Variants in NRG1 observed in about 807,000 individuals in gnomAD.
NRG1 encodes neuregulin 1.
NRG1 carries 18 observed loss-of-function variants against 63.8 expected under a neutral mutation model. The observed-to-expected ratio is 0.28, with a 90% CI of 0.19 to 0.42. The LOEUF (loss-of-function observed/expected upper bound fraction) is 0.42, where lower values mean the gene tolerates loss of function less well. Among genes scored for constraint, NRG1 ranks in the 10% least tolerant of loss-of-function variants. The pLI, the probability that NRG1 is intolerant of heterozygous loss-of-function variation, is 1.00. For synonymous variants in NRG1, 302 were observed against 301.3 expected (o/e 1.00, Z -0.02); for missense variants, 762 against 814.7 (o/e 0.94, Z 0.79).
intron 6 of NRG1, among the ~76,000 whole-genome samples, chr8:32,731,520 A>C (rs2129019972): frequency 6.6e-6 from 1 of 152,216 alleles, no homozygotes; most frequent in Middle Eastern, 3.4e-3. Context: ...CCCTCCTTTG[A>C]GATGGTGACT....
chr8:31,660,814 T>G (rs757290394), intron 1 of NRG1, among the ~76,000 whole-genome samples: 12 of 152,248 alleles, frequency 7.9e-5, no homozygotes, highest in Admixed American at 5.9e-4. Context: ...GAGATAAGGC[T>G]TTCCTATATA....
intron 1 of NRG1, among the ~76,000 whole-genome samples, chr8:32,305,615 C>G (rs1438996349): frequency 6.6e-6 from 1 of 152,206 alleles, no homozygotes; most frequent in Non-Finnish European, 1.5e-5. Flanking sequence ...TTTGTCTCTT[C>G]ACCAGCCTTG....
At chr8:32,177,904 A>C (rs1840977613) in intron 1 of NRG1, among the ~76,000 whole-genome samples, 1 of 152,108 alleles carries the variant, frequency 6.6e-6, no homozygotes, top group Non-Finnish European at 1.5e-5. Flanking sequence ...AGGAAGCAAC[A>C]CTTGCAAAAG....
intron 1 of NRG1, among the ~76,000 whole-genome samples, chr8:31,977,112 C>T (rs575327015): frequency 7.2e-5 from 11 of 152,256 alleles, no homozygotes; most frequent in African/African-American, 1.9e-4. Context: ...GTAATTTCCT[C>T]GTTGTCATTC....
At chr8:32,222,126 CA>C (rs571991516) in intron 1 of NRG1, among the ~76,000 whole-genome samples, 153 of 152,042 alleles carry the variant, frequency 1.0e-3, no homozygotes, top group Non-Finnish European at 1.8e-3. Flanking sequence ...TACATGTTTT[CA>C]GTAGCATATA....
intron 1 of NRG1, among the ~76,000 whole-genome samples, chr8:32,247,509 A>C (rs1453914436): frequency 6.6e-6 from 1 of 152,134 alleles, no homozygotes; most frequent in African/African-American, 2.4e-5. Context: ...TGTGATTTTC[A>C]AAGGCCCTCT....
Position 32,107,671 on chromosome 8 carries a change from A to G in NRG1, c.37+468240A>G, listed in dbSNP as rs75050656. On this transcript the variant is annotated intron_variant, in intron 1 of 10. Transcript: ENST00000519301. ...TATGTTAAAAAATTCACAAAGTAAC[A>G]TACTGAAATTCTTGCAGGTAACTGG... Among the ~76,000 whole-genome samples the G allele has an allele frequency of 2.6e-3, 392 of 152,290 alleles. 2 individuals are homozygous for G. Among genetic ancestry groups the G allele is most frequent in the African/African-American group, 9.0e-3 (375 of 41,558 alleles).
chr8:31,706,224 T>A (rs921331876), intron 1 of NRG1, among the ~76,000 whole-genome samples: 2 of 152,090 alleles, frequency 1.3e-5, no homozygotes, highest in South Asian at 4.1e-4. Context: ...TATGTGTCCT[T>A]CCAGAGTTTT....
intron 1 of NRG1, among the ~76,000 whole-genome samples, chr8:32,521,085 T>C (rs1439376026): frequency 2.0e-5 from 3 of 152,234 alleles, no homozygotes; most frequent in Admixed American, 2.0e-4. Flanking sequence ...GACTAATTTA[T>C]AAACTAAACT....
chr8:32,222,155 T>C (rs1976122), intron 1 of NRG1, among the ~76,000 whole-genome samples: 1 of 151,976 alleles, frequency 6.6e-6, no homozygotes, highest in African/African-American at 2.4e-5. Context: ...GGGTCTCCAA[T>C]AAGATTTTTC....
At chr8:32,155,417 C>T (rs980628762) in intron 1 of NRG1, among the ~76,000 whole-genome samples, 1 of 151,892 alleles carries the variant, frequency 6.6e-6, no homozygotes, top group African/African-American at 2.4e-5. Context: ...ATTTTTTTTC[C>T]AAGATGAAAG....
intron 1 of NRG1, among the ~76,000 whole-genome samples, chr8:31,976,646 G>T (rs1330369211): frequency 6.6e-6 from 1 of 151,890 alleles, no homozygotes; most frequent in Non-Finnish European, 1.5e-5. Context: ...GGGTCAATGG[G>T]TGAGGATCTG....
intron 1 of NRG1, among the ~76,000 whole-genome samples, chr8:32,145,021 G>A (rs1040997336): frequency 2.0e-5 from 3 of 152,138 alleles, no homozygotes; most frequent in Non-Finnish European, 4.4e-5. Flanking sequence ...CAAAGCTGCT[G>A]AGATCTTATA....
intron 1 of NRG1, among the ~76,000 whole-genome samples, chr8:32,234,515 T>C (rs569968610): frequency 6.6e-5 from 10 of 152,336 alleles, no homozygotes; most frequent in African/African-American, 2.4e-4. Flanking sequence ...CTTTAGATAA[T>C]GGTAGACTTA....
At chr8:31,766,282 T>C (rs552481579) in intron 1 of NRG1, among the ~76,000 whole-genome samples, 1 of 152,218 alleles carries the variant, frequency 6.6e-6, no homozygotes, top group African/African-American at 2.4e-5. Context: ...TTAAAAAAGA[T>C]CCCCTGAGTT....
At chr8:32,756,001 G>T (rs532651687) in intron 8 of NRG1, among the ~76,000 whole-genome samples, 10 of 152,132 alleles carry the variant, frequency 6.6e-5, no homozygotes, top group Admixed American at 3.9e-4. Flanking sequence ...CTTTGCCTCC[G>T]AAAGTGCTAA....
At chr8:32,516,494 T>C (rs1296382058) in intron 1 of NRG1, among the ~76,000 whole-genome samples, 1 of 152,240 alleles carries the variant, frequency 6.6e-6, no homozygotes, top group Non-Finnish European at 1.5e-5. Context: ...AAGAACAGCA[T>C]TGAGTCTATA....
At chr8:32,276,120 C>T (rs186115917) in intron 1 of NRG1, among the ~76,000 whole-genome samples, 1 of 152,146 alleles carries the variant, frequency 6.6e-6, no homozygotes, top group Admixed American at 6.5e-5. Flanking sequence ...CCCTACAGTG[C>T]CACAGAGCAC....
At chr8:32,134,643 C>T in intron 1 of NRG1, among the ~76,000 whole-genome samples, 1 of 152,096 alleles carries the variant, frequency 6.6e-6, no homozygotes. Flanking sequence ...CCCTAGTTCT[C>T]AAGGAGCTCA....
Sources: gnomAD v4.1 joint callset for allele counts (sites outside exome capture counted in the v4.1 genomes callset) on GRCh38, gnomAD v4.1.1 for gene constraint, MANE v1.5 for transcripts, NCBI Gene and HGNC (gene_info 2026-07-23, HGNC 2026-07-21) for gene names.